Variants in LINGO2 observed in about 807,000 individuals in gnomAD.
LINGO2 encodes the protein leucine rich repeat and Ig domain containing 2.
A neutral mutation model predicts 30.6 loss-of-function variants in LINGO2; 14 were observed. That is an observed-to-expected ratio of 0.46 (90% CI 0.30 to 0.72). The LOEUF (loss-of-function observed/expected upper bound fraction) is 0.72, where lower values mean the gene tolerates loss of function less well. LINGO2 is among the 30% of genes least tolerant of loss of function. The pLI, the probability that LINGO2 is intolerant of heterozygous loss-of-function variation, is 0.07. For missense variants in LINGO2, 729 were observed against 751.7 expected, an observed-to-expected ratio of 0.97 and a Z score of 0.35; for synonymous variants, 317 against 288.5, an observed-to-expected ratio of 1.10 and a Z score of -1.00.
chr9:28,003,490 G>T (rs945368857), intron 5 of LINGO2, among the ~76,000 whole-genome samples: 1 of 151,936 alleles, frequency 6.6e-6, no homozygotes, highest in Non-Finnish European at 1.5e-5. Context: ...ATGGAGTCTC[G>T]CTGTGTTGCC....
At chr9:29,036,436 T>C in the LINGO2 span, among the ~76,000 whole-genome samples, 4 of 152,080 alleles carry the variant, frequency 2.6e-5, no homozygotes, top group African/African-American at 9.6e-5. Context: ...ATTGTAGTAG[T>C]GTGAACCTGA....
the LINGO2 span, among the ~76,000 whole-genome samples, chr9:29,028,422 G>GC: frequency 9.8e-5 from 8 of 81,456 alleles, no homozygotes; most frequent in East Asian, 2.3e-3. Context: ...TAGTGTGTGG[G>GC]GGGGGGTGAG....
the LINGO2 span, among the ~76,000 whole-genome samples, chr9:28,722,573 G>T: frequency 6.6e-6 from 1 of 152,096 alleles, no homozygotes; most frequent in Admixed American, 6.6e-5. Context: ...ATCTGACAGT[G>T]TCATTACTGA....
At chr9:27,961,516 G>GA (rs1190362993) in intron 5 of LINGO2, among the ~76,000 whole-genome samples, 2 of 152,166 alleles carry the variant, frequency 1.3e-5, no homozygotes, top group Non-Finnish European at 2.9e-5. Context: ...ACTGAGGAGA[G>GA]AAAAGAGACT....
At chr9:28,712,085 T>C in the LINGO2 span, among the ~76,000 whole-genome samples, 1 of 151,962 alleles carries the variant, frequency 6.6e-6, no homozygotes, top group Admixed American at 6.6e-5. Context: ...TACTCTACAT[T>C]TGACAGAATA....
Position 28,130,343 on chromosome 9 carries a change from C to G in LINGO2, c.-86-117938G>C, listed in dbSNP as rs1827348125. Among the ~76,000 whole-genome samples, 1 of 152,216 alleles carries G rather than the reference C, an allele frequency of 6.6e-6. No homozygotes were observed. Among genetic ancestry groups the G allele is most frequent in the Non-Finnish European group, 1.5e-5 (1 of 68,030 alleles). ...ATAAGTCTTATATTCAACTCTCCCT[C>G]TAGCTATGAGACTGTAGAAGGTATT... On this transcript the variant is annotated intron_variant, in intron 4 of 5. Transcript: ENST00000379992. This position sits in a 1 kb window ranked among gnomAD's most constrained non-coding sequence, Gnocchi z 5.2.
In LINGO2 at chr9:28,586,030, T is replaced by TG. The variant is rs1554641790; in HGVS notation, c.-365+84169dup. The stretch of plus-strand genomic sequence containing the variant: ...GGCTTTTCCACCTGTACATTAATTT[T>TG]GTTTTTTTTTGTGCATTTCAGAATA... On this transcript the variant is annotated intron_variant, in intron 1 of 5. Coordinates refer to ENST00000379992, the Ensembl canonical transcript of LINGO2. Among the ~76,000 whole-genome samples, 899 of 97,302 alleles carry TG rather than the reference T, an allele frequency of 9.2e-3. 11 individuals carry two copies. Among genetic ancestry groups the TG allele is most frequent in the African/African-American group, 0.028 (864 of 30,826 alleles). 63.8% of individuals were successfully genotyped at this position (97,302 alleles called of 152,430 possible).
the LINGO2 span, among the ~76,000 whole-genome samples, chr9:29,211,768 C>T: frequency 6.6e-6 from 1 of 152,250 alleles, no homozygotes; most frequent in South Asian, 2.1e-4. Context: ...GTCTTGCACT[C>T]CAGTCTACTG....
At position 28,377,687 on chromosome 9, in the gene LINGO2, C is replaced by T. The variant is rs534259567; in HGVS notation, c.-278-4819G>A. On this transcript the variant is annotated intron_variant, in intron 2 of 5. Transcript: ENST00000379992. ...ACTGTGACCAAAATCCTTAATTATA[C>T]TAGCCTATTTGCAAAGAACAATATG... Among the ~76,000 whole-genome samples, 15 of 152,254 alleles carry T rather than the reference C, an allele frequency of 9.9e-5. 1 individual carries two copies. In the South Asian group the frequency reaches 3.1e-3, roughly 32 times the overall value.
In LINGO2 at chr9:28,636,160, T is replaced by C. The variant is rs538161800; in HGVS notation, c.-365+34040A>G. Among the ~76,000 whole-genome samples the C allele has an allele frequency of 3.9e-5, 6 of 152,322 alleles. No homozygotes were observed. The East Asian group carries it at 7.7e-4, about 20-fold the overall frequency. ...CCCTACAAAGGACATGAACTCATTA[T>C]TTTTTATGGCTGCGTAGTATCCATG... On this transcript the variant is annotated intron_variant, in intron 1 of 5. Transcript: ENST00000379992.
intron 1 of LINGO2, among the ~76,000 whole-genome samples, chr9:28,566,314 C>T (rs1311076360): frequency 6.6e-6 from 1 of 152,138 alleles, no homozygotes; most frequent in Non-Finnish European, 1.5e-5. Flanking sequence ...ATAGCTACAC[C>T]TATGCTTATT....
the LINGO2 span, among the ~76,000 whole-genome samples, chr9:29,201,805 G>A: frequency 1.4e-4 from 21 of 152,022 alleles, no homozygotes; most frequent in East Asian, 2.1e-3. Context: ...TCCTATCATC[G>A]TAAACTTCAG....
At chr9:29,088,934 A>G in the LINGO2 span, among the ~76,000 whole-genome samples, 1 of 152,116 alleles carries the variant, frequency 6.6e-6, no homozygotes, top group South Asian at 2.1e-4. Context: ...TGCTTCTGAT[A>G]TCATAGCAAA....
chr9:28,046,453 C>G (rs913531063), intron 4 of LINGO2, among the ~76,000 whole-genome samples: 6 of 152,176 alleles, frequency 3.9e-5, no homozygotes, highest in Non-Finnish European at 7.3e-5. Flanking sequence ...GTGGACGCTA[C>G]TGGTCCTGGA....
chr9:29,125,315 G>C, the LINGO2 span, among the ~76,000 whole-genome samples: 1 of 152,084 alleles, frequency 6.6e-6, no homozygotes, highest in East Asian at 1.9e-4. Context: ...TGCATGTGGG[G>C]CTTAAAACCT....
chr9:28,176,763 T>A (rs754131918), intron 4 of LINGO2, among the ~76,000 whole-genome samples: 29 of 152,230 alleles, frequency 1.9e-4, no homozygotes, highest in Non-Finnish European at 3.4e-4. Flanking sequence ...GATTGATGGT[T>A]TGATATAGAC....
chr9:28,118,893 G>A (rs908426113), intron 4 of LINGO2, among the ~76,000 whole-genome samples: 1 of 152,026 alleles, frequency 6.6e-6, no homozygotes, highest in Non-Finnish European at 1.5e-5. Context: ...GGGTTTAATA[G>A]CAAAAGAGCC....
the LINGO2 span, among the ~76,000 whole-genome samples, chr9:28,818,416 C>T: frequency 6.6e-6 from 1 of 152,180 alleles, no homozygotes; most frequent in African/African-American, 2.4e-5. Context: ...TGAAGTCTTG[C>T]TCTTGTCACC....
intron 4 of LINGO2, among the ~76,000 whole-genome samples, chr9:28,117,765 C>G (rs577319951): frequency 6.0e-5 from 9 of 148,854 alleles, no homozygotes; most frequent in African/African-American, 2.0e-4. Flanking sequence ...TGCCCTGCTT[C>G]GGCTCGCGGA....
Sources: allele counts gnomAD v4.1 joint callset (sites outside exome capture counted in the v4.1 genomes callset), GRCh38; gene constraint gnomAD v4.1.1; non-coding constraint Gnocchi (gnomAD v3.1); transcripts MANE v1.5; gene names NCBI Gene and HGNC (gene_info 2026-07-23, HGNC 2026-07-21).